TLL2: variants seen among roughly 807,000 people sequenced by gnomAD.
The protein encoded by TLL2 is tolloid like 2, also known as tolloid-like protein 2.
Under a neutral mutation model 123.0 loss-of-function variants are expected in TLL2, and 106 were observed. The observed-to-expected ratio is 0.86, with a 90% CI of 0.74 to 1.01. TLL2 has a LOEUF of 1.01. Among genes scored for constraint, TLL2 ranks in the 50% least tolerant of loss-of-function variants. The pLI, the probability that TLL2 is intolerant of heterozygous loss-of-function variation, is 0.00. For synonymous variants in TLL2, 494 were observed against 516.8 expected, an observed-to-expected ratio of 0.96 and a Z score of 0.60; for missense variants, 1,332 against 1,336.7, an observed-to-expected ratio of 1.00 and a Z score of 0.06.
Position 96,476,248 on chromosome 10 carries a change from T to TTTGTTGTTGTTG in TLL2, c.286+4089_286+4100dup, listed in dbSNP as rs1554939655. 4.0e-3 allele frequency among the ~76,000 whole-genome samples: 274 copies of TTTGTTGTTGTTG among 69,248 alleles called. 24 individuals carry two copies. The highest frequency in any genetic ancestry group is 0.016 in the African/African-American group (263 of 16,076). The allele number at this position is 69,248 out of a possible 152,430, so 45.4% of individuals were successfully genotyped here. ...TATATATATATATATATATTTTATTTTTGTTGTTGTTGTTGTTGTTGAGAC... is the reference window on the plus strand; with the variant it reads ...TATATATATATATATATATTTTATTTTTGTTGTTGTTGTTGTTGTTGTTGTTGTTGTTGAGAC... On this transcript the variant is annotated intron_variant, in intron 2 of 20. Transcript: ENST00000357947.
At chr10:96,478,897 C>A (rs552555069) in intron 2 of TLL2, among the ~76,000 whole-genome samples, 1 of 152,270 alleles carries the variant, frequency 6.6e-6, no homozygotes. Flanking sequence ...AAAAGTTCAT[C>A]ATGCTGTATG....
At chr10:96,504,473 G>A in intron 1 of TLL2, among the ~76,000 whole-genome samples, 1 of 152,080 alleles carries the variant, frequency 6.6e-6, no homozygotes, top group East Asian at 1.9e-4. Context: ...ACCCTGATGT[G>A]GTGGTGCCTG....
At chr10:96,472,107 G>A (rs995317143) in intron 2 of TLL2, among the ~76,000 whole-genome samples, 1 of 152,102 alleles carries the variant, frequency 6.6e-6, no homozygotes, top group Non-Finnish European at 1.5e-5. Context: ...TCCCTGATGG[G>A]CCCCTGTGAC....
At chr10:96,498,847 G>A (rs890079995) in intron 1 of TLL2, among the ~76,000 whole-genome samples, 1 of 152,184 alleles carries the variant, frequency 6.6e-6, no homozygotes, top group Non-Finnish European at 1.5e-5. Flanking sequence ...AGACTGGAAG[G>A]AGCTTGGATC....
At chr10:96,373,858 G>T (rs745650213) in intron 18 of TLL2, 49 bp from the exon 19 acceptor site, 29 of 1,563,630 alleles carry the variant, frequency 1.9e-5, no homozygotes, top group Admixed American at 3.4e-5. Context: ...CGTTCAGCTG[G>T]GGTGGGGGCC....
rs371815194 is a variant in TLL2, at chr10:96,393,794, C to T, written c.1726+1393G>A. ...CTCAGTTTTGTCTCCAATCCTTCAGCGCCATCATGATTCTCCTCTGCTGCT... is the reference window on the plus strand; with the variant it reads ...CTCAGTTTTGTCTCCAATCCTTCAGTGCCATCATGATTCTCCTCTGCTGCT... On this transcript the variant is annotated intron_variant, in intron 13 of 20. Coordinates refer to ENST00000357947, the MANE Select transcript of TLL2 (RefSeq NM_012465.4). Among the ~76,000 whole-genome samples the T allele has an allele frequency of 1.2e-4, 18 of 150,926 alleles. No homozygotes were observed. The South Asian group carries it at 1.9e-3, about 16-fold the overall frequency.
chr10:96,396,122 G>T, intron 11 of TLL2, 102 bp from the exon 12 acceptor site: 1 of 1,398,688 alleles, frequency 7.1e-7, no homozygotes, highest in South Asian at 1.6e-5. Context: ...GCCACCACTA[G>T]GTGGCTCCGC....
chr10:96,426,258 C>T (rs925542138), intron 5 of TLL2, among the ~76,000 whole-genome samples: 1 of 152,032 alleles, frequency 6.6e-6, no homozygotes, highest in East Asian at 1.9e-4. Context: ...CTTCTGCTGC[C>T]GAATTCTATG....
intron 19 of TLL2, among the ~76,000 whole-genome samples, chr10:96,370,781 C>A (rs1488385421): frequency 6.6e-6 from 1 of 152,158 alleles, no homozygotes; most frequent in Non-Finnish European, 1.5e-5. Flanking sequence ...ACATCGGAAT[C>A]GCGGGTAAGC....
At chr10:96,424,364 C>T (rs976696222) in intron 5 of TLL2, among the ~76,000 whole-genome samples, 2 of 152,104 alleles carry the variant, frequency 1.3e-5, no homozygotes, top group African/African-American at 4.8e-5. Flanking sequence ...GAGGGATACC[C>T]CATTCTCCAT....
intron 12 of TLL2, 55 bp from the exon 13 acceptor site, chr10:96,395,437 T>C: frequency 6.7e-7 from 1 of 1,493,680 alleles, no homozygotes; most frequent in Non-Finnish European, 8.9e-7. Flanking sequence ...TTTAAGGTTT[T>C]TGATTTAAGA....
chr10:96,455,995 T>C (rs1847012135), intron 2 of TLL2, among the ~76,000 whole-genome samples: 1 of 152,240 alleles, frequency 6.6e-6, no homozygotes, highest in Non-Finnish European at 1.5e-5. Context: ...TGCCAAGGAC[T>C]GTGCTTGCTA....
rs191913811 is a variant in TLL2, at chr10:96,481,616, T to G, written c.176-1157A>C. ...GTTATGCAGTGACGGTGACGAAGTA[T>G]TTAGTCAAAGTGTTGCCTGCCTTCA... is the stretch of plus-strand genomic sequence containing the variant. On this transcript the variant is annotated intron_variant, in intron 1 of 20. Transcript: ENST00000357947. 2.5e-3 allele frequency among the ~76,000 whole-genome samples: 383 copies of G among 152,300 alleles called. 5 individuals carry two copies. Among genetic ancestry groups the G allele is most frequent in the South Asian group, 8.9e-3 (43 of 4,824 alleles).
At chr10:96,459,846 T>C (rs4595479) in intron 2 of TLL2, among the ~76,000 whole-genome samples, 81,706 of 148,764 alleles carry the variant, frequency 0.55, 22,816 homozygotes, top group Middle Eastern at 0.66. Flanking sequence ...ATGAAATAGA[T>C]GGTACTGAGA....
intron 13 of TLL2, among the ~76,000 whole-genome samples, chr10:96,394,942 A>C (rs1359635891): frequency 6.6e-6 from 1 of 152,186 alleles, no homozygotes; most frequent in Non-Finnish European, 1.5e-5. Flanking sequence ...TTGCCCTTGT[A>C]AACTTATTAG....
chr10:96,378,832 C>G (rs1846160161), intron 17 of TLL2, 135 bp downstream of exon 17: 1 of 1,209,314 alleles, frequency 8.3e-7, no homozygotes, highest in Non-Finnish European at 1.2e-6. Context: ...CCCGCAAGGA[C>G]AGCAGTTGCT....
At chr10:96,387,918 A>G (rs1478580550) in intron 13 of TLL2, among the ~76,000 whole-genome samples, 1 of 152,242 alleles carries the variant, frequency 6.6e-6, no homozygotes, top group African/African-American at 2.4e-5. Flanking sequence ...TGCCAGCCAT[A>G]GTACATCTAG....
At chr10:96,400,630 G>A (rs1846383994) in intron 10 of TLL2, among the ~76,000 whole-genome samples, 1 of 152,196 alleles carries the variant, frequency 6.6e-6, no homozygotes, top group Non-Finnish European at 1.5e-5. Context: ...TGAGTAGCCG[G>A]GCCACACGAC....
chr10:96,415,476 T>C (rs1397094237), intron 7 of TLL2, among the ~76,000 whole-genome samples: 1 of 151,810 alleles, frequency 6.6e-6, no homozygotes, highest in African/African-American at 2.4e-5. Context: ...TACTGTATTG[T>C]TTTTCTTAAG....
Sources: gnomAD v4.1 joint callset for allele counts (sites outside exome capture counted in the v4.1 genomes callset) on GRCh38, gnomAD v4.1.1 for gene constraint, MANE v1.5 for transcripts, NCBI Gene and HGNC (gene_info 2026-07-23, HGNC 2026-07-21) for gene names.